Variants in SGCD observed in about 807,000 individuals in gnomAD.
SGCD encodes the protein sarcoglycan delta.
Under a neutral mutation model 36.6 loss-of-function variants are expected in SGCD, and 18 were observed. The observed-to-expected ratio is 0.49, with a 90% CI of 0.34 to 0.73. The LOEUF is 0.73. Ranked by LOEUF, SGCD falls within the 30% of genes least tolerant of loss-of-function variation. The pLI, the probability that SGCD is intolerant of heterozygous loss-of-function variation, is 0.01. For missense variants in SGCD, 387 were observed against 346.7 expected, an observed-to-expected ratio of 1.12 and a Z score of -0.92; for synonymous variants, 133 against 130.6, an observed-to-expected ratio of 1.02 and a Z score of -0.12.
At chr5:156,508,481 T>A in intron 3 of SGCD, 120 bp from the exon 4 acceptor site, 1 of 643,312 alleles carries the variant, frequency 1.6e-6, no homozygotes, top group Non-Finnish European at 2.8e-6. Flanking sequence ...ATACCCGTCC[T>A]CATTCCACAC....
At chr5:156,007,636 G>A (rs1394353304) in intron 1 of SGCD, among the ~76,000 whole-genome samples, 1 of 152,164 alleles carries the variant, frequency 6.6e-6, no homozygotes, top group African/African-American at 2.4e-5. Context: ...ACCAGAGTAG[G>A]GCTCTGGGGG....
chr5:156,489,496 T>C (rs1479621262), intron 3 of SGCD, among the ~76,000 whole-genome samples: 2 of 152,020 alleles, frequency 1.3e-5, no homozygotes, highest in East Asian at 1.9e-4. Context: ...GTATCAACAA[T>C]TGTTTTTTAA....
intron 1 of SGCD, among the ~76,000 whole-genome samples, chr5:155,924,413 C>T (rs931943400): frequency 6.6e-6 from 1 of 152,184 alleles, no homozygotes; most frequent in African/African-American, 2.4e-5. Context: ...GCACCTGTTT[C>T]TTCTCTTCCA....
intron 3 of SGCD, among the ~76,000 whole-genome samples, chr5:156,252,724 C>T (rs1765614807): frequency 1.3e-5 from 2 of 152,120 alleles, no homozygotes; most frequent in South Asian, 4.1e-4. Context: ...AGTATTTTAT[C>T]TTAAATATTC....
chr5:156,734,554 A>T (rs1409686614), intron 7 of SGCD, among the ~76,000 whole-genome samples: 2 of 152,042 alleles, frequency 1.3e-5, no homozygotes, highest in African/African-American at 4.8e-5. Flanking sequence ...ATTATCCCAT[A>T]TTTCTCAGAG....
At chr5:156,444,089 T>C (rs1490084467) in intron 3 of SGCD, among the ~76,000 whole-genome samples, 13 of 115,342 alleles carry the variant, frequency 1.1e-4, no homozygotes, top group African/African-American at 2.4e-4. Context: ...TCTCTCTCTC[T>C]CTCTCTCTCT....
chr5:156,051,439 G>A lies in SGCD; in HGVS notation c.-281-66439G>A, dbSNP rs143503226. Among the ~76,000 whole-genome samples the A allele has an allele frequency of 9.1e-4, 133 of 146,442 alleles. 10 individuals are homozygous for A. The highest frequency in any genetic ancestry group is 3.0e-3 in the African/African-American group (121 of 40,812). On this transcript the variant is annotated intron_variant, in intron 1 of 9. Transcript: ENST00000517913. ...TTTGACCACATGGAGAGAGATGGGA[G>A]CTGTCTGCTTTTTGGCAAACTGAAT...
intron 3 of SGCD, among the ~76,000 whole-genome samples, chr5:156,452,154 C>T (rs1424840196): frequency 6.6e-6 from 1 of 152,158 alleles, no homozygotes; most frequent in Non-Finnish European, 1.5e-5. Flanking sequence ...ACCATACCCA[C>T]CGTGCTTCAG....
intron 3 of SGCD, among the ~76,000 whole-genome samples, chr5:156,348,463 A>G (rs188568285): frequency 9.8e-5 from 15 of 152,316 alleles, no homozygotes; most frequent in Non-Finnish European, 1.8e-4. Context: ...TATACCAACA[A>G]TGGCCAAGCT....
intron 7 of SGCD, among the ~76,000 whole-genome samples, chr5:156,733,918 G>A (rs1262805762): frequency 6.6e-6 from 1 of 152,002 alleles, no homozygotes; most frequent in Admixed American, 6.6e-5. Flanking sequence ...GCATACAAAT[G>A]GATCTTGGTT....
At chr5:155,775,079 A>C in the SGCD span, among the ~76,000 whole-genome samples, 140 of 152,312 alleles carry the variant, frequency 9.2e-4, 1 homozygote, top group Non-Finnish European at 1.9e-3. Flanking sequence ...TGTTTGTTAG[A>C]GTTTCTTAAG....
intron 6 of SGCD, among the ~76,000 whole-genome samples, chr5:156,618,005 G>A (rs947532496): frequency 2.5e-4 from 38 of 152,194 alleles, no homozygotes; most frequent in Non-Finnish European, 5.0e-4. Flanking sequence ...ATGTATTCAG[G>A]TTCTAAATAA....
At chr5:156,081,973 G>A (rs2127591757) in intron 1 of SGCD, among the ~76,000 whole-genome samples, 1 of 152,212 alleles carries the variant, frequency 6.6e-6, no homozygotes, top group Non-Finnish European at 1.5e-5. Context: ...AATGATTTTA[G>A]GGGTATTTAA....
the SGCD span, among the ~76,000 whole-genome samples, chr5:155,783,315 A>G: frequency 6.6e-6 from 1 of 152,160 alleles, no homozygotes; most frequent in Non-Finnish European, 1.5e-5. Flanking sequence ...AATTTAAAGG[A>G]CTTTTTAAAG....
chr5:156,632,996 G>A (rs1002245450), intron 6 of SGCD, among the ~76,000 whole-genome samples: 3 of 11,624 alleles, frequency 2.6e-4, no homozygotes, highest in African/African-American at 1.1e-3. Context: ...GTTCAGTCAA[G>A]CATTATGAGA....
chr5:156,745,713 TAA>T (rs71819563), intron 7 of SGCD, among the ~76,000 whole-genome samples: 1,678 of 151,638 alleles, frequency 0.011, 41 homozygotes, highest in African/African-American at 0.038. Flanking sequence ...GAGTAAAAAA[TAA>T]AGACATATAA....
At chr5:156,579,518 AG>A (rs1464232040) in intron 4 of SGCD, among the ~76,000 whole-genome samples, 1 of 152,152 alleles carries the variant, frequency 6.6e-6, no homozygotes, top group African/African-American at 2.4e-5. Context: ...GGGGTGTTAA[AG>A]TATCCCATTA....
At chr5:156,118,024 T>A (rs1240531292) in intron 2 of SGCD, 1 of 152,124 alleles carries the variant, frequency 6.6e-6, no homozygotes, top group Non-Finnish European at 1.5e-5. Flanking sequence ...TATCTAGAGA[T>A]ATATGGAAAG....
intron 6 of SGCD, among the ~76,000 whole-genome samples, chr5:156,619,708 G>T (rs1762168770): frequency 6.6e-6 from 1 of 152,164 alleles, no homozygotes; most frequent in Non-Finnish European, 1.5e-5. Flanking sequence ...TTAATGAGAT[G>T]ACAATGTGAA....
Sources: gnomAD v4.1 joint callset for allele counts (sites outside exome capture counted in the v4.1 genomes callset) on GRCh38, gnomAD v4.1.1 for gene constraint, MANE v1.5 for transcripts, NCBI Gene and HGNC (gene_info 2026-07-23, HGNC 2026-07-21) for gene names.